The following TMC1 variants were observed in gnomAD, a reference collection of about 807,000 sequenced individuals.
TMC1 encodes transmembrane channel like 1, also known as transmembrane channel-like protein 1.
A neutral mutation model predicts 105.8 loss-of-function variants in TMC1; 84 were observed. That is an observed-to-expected ratio of 0.79 (90% CI 0.67 to 0.95). TMC1 has a LOEUF of 0.95. Among genes scored for constraint, TMC1 ranks in the 40% least tolerant of loss-of-function variants. The probability of loss-of-function intolerance (pLI) is 0.00; values close to 1 mark genes in which losing one functional copy is unlikely to be tolerated. For missense variants in TMC1, 817 were observed against 914.1 expected, an observed-to-expected ratio of 0.89 and a Z score of 1.37; for synonymous variants, 315 against 311.5, an observed-to-expected ratio of 1.01 and a Z score of -0.12.
chr9:72,726,460 C>A (rs988542113), intron 8 of TMC1, among the ~76,000 whole-genome samples: 1 of 152,144 alleles, frequency 6.6e-6, no homozygotes, highest in African/African-American at 2.4e-5. Context: ...TGGGAGGACA[C>A]TGTAAAATAT....
chr9:72,538,666 T>C (rs1027060480), intron 1 of TMC1, among the ~76,000 whole-genome samples: 2 of 152,190 alleles, frequency 1.3e-5, no homozygotes, highest in African/African-American at 4.8e-5. Context: ...CTTGAACTCT[T>C]GACCTCAAGT....
chr9:72,772,461 C>T lies in TMC1; in HGVS notation c.790C>T (p.Arg264Ter), dbSNP rs765657443. The change falls in exon 13 of 24, where the codon CGA becomes TGA. Residue 264 changes from arginine to a stop codon, truncating the protein, a stop_gained. Coordinates refer to ENST00000297784, the MANE Select transcript of TMC1 (RefSeq NM_138691.3). LOFTEE classifies it high-confidence loss of function. Reference sequence around the variant, plus strand: ...CTTTTATGGCTATTATGACAATAAACGAACAATTGGATGGATGAATTTCAG... The same window carrying T: ...CTTTTATGGCTATTATGACAATAAATGAACAATTGGATGGATGAATTTCAG... ...VLFYGYYDNKRTIGWMNFRLP... is the reference protein window; with the variant it reads ...VLFYGYYDNK 18 of 1,613,710 alleles carry T rather than the reference C, an allele frequency of 1.1e-5. No homozygotes were observed. Among genetic ancestry groups the T allele is most frequent in the East Asian group, 4.5e-5 (2 of 44,870 alleles).
intron 2 of TMC1, among the ~76,000 whole-genome samples, chr9:72,599,716 A>C (rs1046754143): frequency 2.6e-5 from 4 of 151,892 alleles, no homozygotes; most frequent in African/African-American, 9.7e-5. Flanking sequence ...AGGCTGAGGC[A>C]GGAAAGTCAC....
chr9:72,736,758 T>C (rs1201069037), intron 8 of TMC1, among the ~76,000 whole-genome samples: 1 of 152,190 alleles, frequency 6.6e-6, no homozygotes, highest in Non-Finnish European at 1.5e-5. Flanking sequence ...AACTGAAGTA[T>C]AGTAAATTCT....
At chr9:72,696,354 G>A (rs1826551084) in intron 7 of TMC1, among the ~76,000 whole-genome samples, 1 of 152,128 alleles carries the variant, frequency 6.6e-6, no homozygotes, top group Non-Finnish European at 1.5e-5. Flanking sequence ...CATAGGTTTT[G>A]CAAATTGTAT....
intron 1 of TMC1, among the ~76,000 whole-genome samples, chr9:72,532,229 C>T (rs895128323): frequency 6.6e-6 from 1 of 152,056 alleles, no homozygotes; most frequent in Non-Finnish European, 1.5e-5. Context: ...CCATACCCAG[C>T]CTGAAGTTTT....
chr9:72,791,824 G>T (rs528152494), intron 15 of TMC1, 62 bp from the exon 16 acceptor site: 3 of 1,461,752 alleles, frequency 2.1e-6, no homozygotes, highest in East Asian at 2.3e-5. Flanking sequence ...CAAAATTCTG[G>T]CAAAAAGCAA....
intron 8 of TMC1, among the ~76,000 whole-genome samples, chr9:72,714,515 G>A (rs1193805999): frequency 6.6e-6 from 1 of 152,172 alleles, no homozygotes; most frequent in Non-Finnish European, 1.5e-5. Context: ...TTACCATTAT[G>A]TAATGCTCTT....
chr9:72,751,914 G>A lies in TMC1; in HGVS notation c.600G>A (p.Met200Ile). 6.2e-7 allele frequency: 1 copy of A among 1,613,588 alleles called. No homozygotes were observed. The highest frequency in any genetic ancestry group is 2.2e-5 in the East Asian group (1 of 44,852). Residue 200 changes from methionine (M) to isoleucine (I), a missense_variant, in exon 11 of 24, where the codon ATG (methionine) becomes ATA (isoleucine). Physicochemically the swap from Met to Ile is conservative, Grantham distance 10. Transcript: ENST00000297784. ...TGAGATGGATGTATGGAGTCAATAT[G>A]GTTCTCTTTATCCTGACATTTAGCC... ...LFLRWMYGVN[M>I]VLFILTFSLI...
intron 21 of TMC1, among the ~76,000 whole-genome samples, chr9:72,829,518 C>T (rs916912479): frequency 2.0e-5 from 3 of 152,160 alleles, no homozygotes; most frequent in Non-Finnish European, 1.5e-5. Flanking sequence ...CACACACACA[C>T]AAACATTTAT....
At chr9:72,752,918 C>T (rs986480149) in intron 11 of TMC1, among the ~76,000 whole-genome samples, 2 of 152,152 alleles carry the variant, frequency 1.3e-5, no homozygotes, top group African/African-American at 4.8e-5. Context: ...AGCACTTTCA[C>T]TTCTTTTACT....
intron 5 of TMC1, among the ~76,000 whole-genome samples, chr9:72,652,989 A>G (rs1825835677): frequency 1.3e-5 from 2 of 152,216 alleles, no homozygotes; most frequent in South Asian, 4.1e-4. Context: ...AATTTGTGGT[A>G]CTTGAATAAT....
chr9:72,712,435 T>A (rs1478583974), intron 8 of TMC1, among the ~76,000 whole-genome samples: 1 of 152,180 alleles, frequency 6.6e-6, no homozygotes, highest in African/African-American at 2.4e-5. Flanking sequence ...TGTCCTCTCT[T>A]ATTTCCTTGA....
chr9:72,666,369 A>G (rs1044380058), intron 5 of TMC1, among the ~76,000 whole-genome samples: 5 of 152,116 alleles, frequency 3.3e-5, no homozygotes, highest in Non-Finnish European at 7.4e-5. Flanking sequence ...GGAGCACTCT[A>G]CAGAGGTGGT....
chr9:72,556,845 A>G (rs1823949577), intron 1 of TMC1, among the ~76,000 whole-genome samples: 1 of 151,690 alleles, frequency 6.6e-6, no homozygotes, highest in African/African-American at 2.4e-5. Context: ...AAACAAACAA[A>G]CAAAAAAATT....
At chr9:72,545,321 TG>T (rs532000133) in intron 1 of TMC1, among the ~76,000 whole-genome samples, 12 of 106,878 alleles carry the variant, frequency 1.1e-4, no homozygotes, top group South Asian at 1.0e-3. Flanking sequence ...TACATTAATA[TG>T]TTTTTTTTAA....
chr9:72,589,753 G>T (rs1311776576), intron 2 of TMC1, among the ~76,000 whole-genome samples: 2 of 152,170 alleles, frequency 1.3e-5, no homozygotes, highest in East Asian at 3.8e-4. Flanking sequence ...ATTGGCTGTG[G>T]GTTATAAAAC....
At chr9:72,641,655 T>C (rs1380188904) in intron 4 of TMC1, among the ~76,000 whole-genome samples, 1 of 125,520 alleles carries the variant, frequency 8.0e-6, no homozygotes, top group African/African-American at 3.2e-5. Context: ...AGAAACCTTG[T>C]GCCCGTGCAT....
At chr9:72,614,626 A>C (rs1445528782) in intron 2 of TMC1, among the ~76,000 whole-genome samples, 1 of 152,140 alleles carries the variant, frequency 6.6e-6, no homozygotes. Context: ...CTTGGGTCCA[A>C]TCTTCTTAAA....
Sources: allele counts gnomAD v4.1 joint callset (sites outside exome capture counted in the v4.1 genomes callset), GRCh38; gene constraint gnomAD v4.1.1; transcripts MANE v1.5; gene names NCBI Gene and HGNC (gene_info 2026-07-23, HGNC 2026-07-21).